Variants in RAB38 observed in about 807,000 individuals in gnomAD.
RAB38 encodes ras-related protein Rab-38.
Under a neutral mutation model 18.4 loss-of-function variants are expected in RAB38, and 15 were observed. That is an observed-to-expected ratio of 0.82 (90% CI 0.55 to 1.26). The LOEUF (loss-of-function observed/expected upper bound fraction) is 1.26. Among genes scored for constraint, RAB38 ranks in the 50% most tolerant of loss-of-function variants. RAB38 has a pLI of 0.00. For synonymous variants in RAB38, 101 were observed against 104.4 expected, an observed-to-expected ratio of 0.97 and a Z score of 0.20; for missense variants, 294 against 267.4, an observed-to-expected ratio of 1.10 and a Z score of -0.69.
chr11:87,833,645 C>T, the RAB38 span, among the ~76,000 whole-genome samples: 1 of 152,134 alleles, frequency 6.6e-6, no homozygotes, highest in Non-Finnish European at 1.5e-5. Flanking sequence ...ACTGTTATCA[C>T]CTTCATTTTA....
chr11:87,875,023 A>G, the RAB38 span, among the ~76,000 whole-genome samples: 1 of 151,638 alleles, frequency 6.6e-6, no homozygotes, highest in South Asian at 2.1e-4. Context: ...ATTATTCACA[A>G]TAACCAAGAT....
chr11:87,926,233 C>G, the RAB38 span, among the ~76,000 whole-genome samples: 8 of 152,008 alleles, frequency 5.3e-5, no homozygotes, highest in Non-Finnish European at 1.0e-4. Context: ...GGCCTAGTTT[C>G]TCTTTCACAT....
the RAB38 span, among the ~76,000 whole-genome samples, chr11:87,963,316 C>T: frequency 6.6e-6 from 1 of 152,188 alleles, no homozygotes; most frequent in African/African-American, 2.4e-5. Flanking sequence ...AATTCCTAAC[C>T]TTATGTCTTG....
chr11:88,109,461 GC>G (rs2134758986), downstream of RAB38, among the ~76,000 whole-genome samples: 2 of 152,212 alleles, frequency 1.3e-5, no homozygotes, highest in East Asian at 3.9e-4. Flanking sequence ...ATAGGCATGG[GC>G]AAAGACTTCA....
intron 2 of RAB38, among the ~76,000 whole-genome samples, chr11:88,123,933 C>T (rs542771605): frequency 1.3e-5 from 2 of 152,268 alleles, no homozygotes; most frequent in South Asian, 4.1e-4. Flanking sequence ...CATTTCTCTC[C>T]CAAACTAGAG....
chr11:87,854,588 T>G, the RAB38 span, among the ~76,000 whole-genome samples: 3 of 152,142 alleles, frequency 2.0e-5, no homozygotes, highest in South Asian at 4.1e-4. Context: ...ATGAAATGTT[T>G]TCCTCCTAGA....
chr11:87,950,273 A>G, the RAB38 span, among the ~76,000 whole-genome samples: 38,463 of 151,640 alleles, frequency 0.25, 5,253 homozygotes, highest in South Asian at 0.37. Context: ...TTTTGAGCCT[A>G]TGTGTGTCTC....
chr11:87,973,679 T>A, the RAB38 span, among the ~76,000 whole-genome samples: 1 of 151,992 alleles, frequency 6.6e-6, no homozygotes, highest in African/African-American at 2.4e-5. Flanking sequence ...CGAGACCTCA[T>A]CAAAGACTGG....
chr11:88,048,777 G>A, the RAB38 span, among the ~76,000 whole-genome samples: 3 of 152,042 alleles, frequency 2.0e-5, no homozygotes, highest in Admixed American at 2.0e-4. Flanking sequence ...AGCCTTCACA[G>A]CTGACATCTC....
intron 1 of RAB38, among the ~76,000 whole-genome samples, chr11:88,158,792 C>T (rs528700446): frequency 6.6e-6 from 1 of 151,970 alleles, no homozygotes; most frequent in Non-Finnish European, 1.5e-5. Flanking sequence ...TGATCGATGA[C>T]AAACCCACAG....
chr11:88,005,919 G>C, the RAB38 span, among the ~76,000 whole-genome samples: 1 of 151,272 alleles, frequency 6.6e-6, no homozygotes, highest in Non-Finnish European at 1.5e-5. Context: ...TAGATGCTTG[G>C]GTTTAATTCC....
chr11:87,944,680 A>ATACCTTCCATGAAATGG, the RAB38 span, among the ~76,000 whole-genome samples: 1 of 152,128 alleles, frequency 6.6e-6, no homozygotes, highest in Non-Finnish European at 1.5e-5. Flanking sequence ...TTTCTACTCT[A>ATACCTTCCATGAAATGG]TACCTTCCAT....
At chr11:88,128,460 T>C (rs1421775015) in intron 2 of RAB38, among the ~76,000 whole-genome samples, 1 of 152,180 alleles carries the variant, frequency 6.6e-6, no homozygotes, top group Non-Finnish European at 1.5e-5. Context: ...AAGTTACTGG[T>C]TGCAAAAATC....
At chr11:88,045,098 C>T in the RAB38 span, among the ~76,000 whole-genome samples, 1 of 152,168 alleles carries the variant, frequency 6.6e-6, no homozygotes, top group Admixed American at 6.5e-5. Flanking sequence ...AAAACCCAGC[C>T]CAGTTTGTGG....
chr11:88,173,778 C>T lies in RAB38; in HGVS notation c.202+1405G>A, dbSNP rs180856684. 7 of 985,318 alleles carry T rather than the reference C, an allele frequency of 7.1e-6. No individual in the cohort carries two copies. In the African/African-American group the frequency reaches 8.7e-5, roughly 12 times the overall value. 61.0% of individuals were successfully genotyped at this position (985,318 alleles called of 1,614,324 possible). A position where few individuals can be genotyped will look rare whatever the true frequency, so the allele number is the denominator to read the frequency against. Reference sequence around the variant, plus strand: ...TAACATTTTCTGTTCTCTGATAACCCCCTTGCTACTAGAGCAGCTGAAGAT... The same window carrying T: ...TAACATTTTCTGTTCTCTGATAACCTCCTTGCTACTAGAGCAGCTGAAGAT... On this transcript the variant is annotated intron_variant, in intron 1 of 2. Coordinates refer to ENST00000243662, the MANE Select transcript of RAB38 (RefSeq NM_022337.3).
chr11:88,134,391 C>T (rs555364626), intron 2 of RAB38, among the ~76,000 whole-genome samples: 2 of 149,400 alleles, frequency 1.3e-5, no homozygotes, highest in African/African-American at 4.9e-5. Flanking sequence ...CCGGTGTCTG[C>T]CACCATGCCT....
At chr11:87,975,239 GA>G in the RAB38 span, among the ~76,000 whole-genome samples, 2 of 151,814 alleles carry the variant, frequency 1.3e-5, no homozygotes, top group African/African-American at 4.8e-5. Flanking sequence ...GTGCATCTGC[GA>G]AGAAACTACT....
the RAB38 span, among the ~76,000 whole-genome samples, chr11:88,050,680 T>C: frequency 2.0e-5 from 3 of 152,272 alleles, no homozygotes; most frequent in African/African-American, 7.2e-5. Flanking sequence ...GTCTTTCATC[T>C]AGCTCCTTGT....
chr11:87,865,207 C>A, the RAB38 span, among the ~76,000 whole-genome samples: 1 of 151,504 alleles, frequency 6.6e-6, no homozygotes, highest in African/African-American at 2.4e-5. Flanking sequence ...TATACTCATG[C>A]CTGGAACCTG....
Sources: allele counts gnomAD v4.1 joint callset (sites outside exome capture counted in the v4.1 genomes callset), GRCh38; gene constraint gnomAD v4.1.1; transcripts MANE v1.5; gene names NCBI Gene and HGNC (gene_info 2026-07-23, HGNC 2026-07-21).